The following CHLSN variants were observed in gnomAD, a reference collection of about 807,000 sequenced individuals.
CHLSN encodes protein cholesin.
At chr7:1,018,347 A>C in the CHLSN span, among the ~76,000 whole-genome samples, 1 of 152,216 alleles carries the variant, frequency 6.6e-6, no homozygotes, top group Non-Finnish European at 1.5e-5. Context: ...ACCAGTGTGC[A>C]TTGTACACGT....
the CHLSN span, among the ~76,000 whole-genome samples, chr7:991,124 G>T: frequency 1.1e-3 from 174 of 152,194 alleles, 1 homozygote; most frequent in Non-Finnish European, 1.3e-4. Context: ...AGGCCCACGT[G>T]GGGAGGAAAC....
the CHLSN span, among the ~76,000 whole-genome samples, chr7:1,015,496 G>C: frequency 6.6e-6 from 1 of 152,260 alleles, no homozygotes; most frequent in Non-Finnish European, 1.5e-5. Flanking sequence ...TCAGGGTTTA[G>C]AAAAAGTCAT....
At chr7:1,073,816 CCCGACA>C in the CHLSN span, among the ~76,000 whole-genome samples, 1 of 89,056 alleles carries the variant, frequency 1.1e-5, no homozygotes, top group Non-Finnish European at 2.3e-5. Flanking sequence ...GACCCCCGAC[CCCGACA>C]CCCTGCTGCC....
chr7:1,022,406 A>G, the CHLSN span, among the ~76,000 whole-genome samples: 2 of 152,222 alleles, frequency 1.3e-5, no homozygotes, highest in East Asian at 1.9e-4. Flanking sequence ...CCTTAATCAG[A>G]TTTGTCACCT....
chr7:1,034,580 C>T, the CHLSN span, among the ~76,000 whole-genome samples: 2 of 152,134 alleles, frequency 1.3e-5, no homozygotes, highest in African/African-American at 4.8e-5. Context: ...GAACAGTGAA[C>T]CCAGGAGGTG....
the CHLSN span, among the ~76,000 whole-genome samples, chr7:1,061,579 T>C: frequency 6.6e-6 from 1 of 152,058 alleles, no homozygotes; most frequent in South Asian, 2.1e-4. Flanking sequence ...TCATCTATAT[T>C]CTATGTTGCC....
the CHLSN span, among the ~76,000 whole-genome samples, chr7:1,112,663 C>T: frequency 6.0e-5 from 9 of 150,512 alleles, no homozygotes; most frequent in Admixed American, 3.3e-4. Context: ...GGACATTAAT[C>T]GGCTGTCCTC....
chr7:1,028,547 T>G, the CHLSN span: 32 of 985,004 alleles, frequency 3.2e-5, no homozygotes, highest in Non-Finnish European at 3.9e-5. Context: ...GACGAGGCTC[T>G]CTGGCCGCCC....
At chr7:1,124,046 C>T in the CHLSN span, among the ~76,000 whole-genome samples, 7 of 152,366 alleles carry the variant, frequency 4.6e-5, no homozygotes, top group Middle Eastern at 6.8e-3. Context: ...CCGGCAGCTG[C>T]GTGTTACAGA....
chr7:1,009,139 C>T, the CHLSN span, among the ~76,000 whole-genome samples: 518 of 152,082 alleles, frequency 3.4e-3, 1 homozygote, highest in South Asian at 7.6e-3. Flanking sequence ...GTCATCTCTC[C>T]GAGGAGGTCA....
chr7:1,102,314 C>T, the CHLSN span, among the ~76,000 whole-genome samples: 3 of 152,248 alleles, frequency 2.0e-5, no homozygotes, highest in Non-Finnish European at 2.9e-5. Context: ...CCTTCTCCAC[C>T]GCGCAGTCCC....
At chr7:1,053,073 G>A in the CHLSN span, among the ~76,000 whole-genome samples, 2 of 152,234 alleles carry the variant, frequency 1.3e-5, no homozygotes, top group African/African-American at 2.4e-5. Context: ...CTGCCCAGTG[G>A]GGGGAGAAGC....
At chr7:1,050,203 C>T in the CHLSN span, among the ~76,000 whole-genome samples, 24 of 152,276 alleles carry the variant, frequency 1.6e-4, no homozygotes, top group African/African-American at 5.8e-4. Flanking sequence ...CCTGCCTGTG[C>T]ACCCTGTGGG....
chr7:1,070,176 G>A, the CHLSN span, among the ~76,000 whole-genome samples: 1 of 115,792 alleles, frequency 8.6e-6, no homozygotes, highest in Non-Finnish European at 1.9e-5. Flanking sequence ...GAGAAGTGAG[G>A]AGCCTCTCCG....
At chr7:986,437 CAG>C in the CHLSN span, 1 of 653,584 alleles carries the variant, frequency 1.5e-6, no homozygotes, top group African/African-American at 1.8e-5. Context: ...GGGACACGGA[CAG>C]GGGGTTTCCT....
chr7:1,129,511 T>C, the CHLSN span, among the ~76,000 whole-genome samples: 1 of 152,212 alleles, frequency 6.6e-6, no homozygotes, highest in Non-Finnish European at 1.5e-5. Flanking sequence ...AGTGGCACAA[T>C]CTCGGCTCAC....
chr7:1,092,443 C>T, the CHLSN span: 13 of 1,608,104 alleles, frequency 8.1e-6, 1 homozygote, highest in Middle Eastern at 4.9e-4. Flanking sequence ...CCTCATTGTC[C>T]GGGTGCTGGT....
the CHLSN span, among the ~76,000 whole-genome samples, chr7:1,019,964 C>T: frequency 3.3e-5 from 5 of 152,236 alleles, no homozygotes; most frequent in East Asian, 1.9e-4. Context: ...GGCACCTGGA[C>T]GAGGGCAGCT....
At chr7:1,035,761 AC>A in the CHLSN span, among the ~76,000 whole-genome samples, 2 of 152,228 alleles carry the variant, frequency 1.3e-5, no homozygotes, top group Non-Finnish European at 2.9e-5. Flanking sequence ...AAATCCTGCC[AC>A]AGGATTCAGC....
Sources: gnomAD v4.1 joint callset for allele counts (sites outside exome capture counted in the v4.1 genomes callset) on GRCh38, gnomAD v4.1.1 for gene constraint, MANE v1.5 for transcripts, NCBI Gene and HGNC (gene_info 2026-07-23, HGNC 2026-07-21) for gene names.